EXT1: variants seen among roughly 807,000 people sequenced by gnomAD.
EXT1 encodes the protein exostosin glycosyltransferase 1, also known as exostosin-1.
Under a neutral mutation model 82.5 loss-of-function variants are expected in EXT1, and 20 were observed. The ratio of observed to expected loss-of-function variants is 0.24; its 90% CI spans 0.17 to 0.35. The LOEUF is 0.35. Ranked by LOEUF, EXT1 falls within the 10% of genes least tolerant of loss-of-function variation. The probability of loss-of-function intolerance (pLI) is 1.00; values close to 1 mark genes in which losing one functional copy is unlikely to be tolerated. For synonymous variants in EXT1, 348 were observed against 350.8 expected, an observed-to-expected ratio of 0.99 and a Z score of 0.09; for missense variants, 757 against 936.5, an observed-to-expected ratio of 0.81 and a Z score of 2.50.
intron 1 of EXT1, among the ~76,000 whole-genome samples, chr8:118,075,888 A>G (rs17431728): frequency 0.099 from 15,056 of 152,190 alleles, 984 homozygotes; most frequent in Middle Eastern, 0.19. Context: ...ATGACGGATC[A>G]GTCCACATGA....
intron 1 of EXT1, among the ~76,000 whole-genome samples, chr8:117,959,630 G>C (rs1214949679): frequency 6.6e-6 from 1 of 152,190 alleles, no homozygotes; most frequent in Non-Finnish European, 1.5e-5. Flanking sequence ...CAGACAGTAA[G>C]GGAGATAATT....
chr8:118,016,869 C>G (rs1680682562), intron 1 of EXT1, among the ~76,000 whole-genome samples: 1 of 152,222 alleles, frequency 6.6e-6, no homozygotes. Context: ...GTGACTGGAA[C>G]AGACACAAGC....
chr8:117,893,209 C>T (rs975746381), intron 1 of EXT1, among the ~76,000 whole-genome samples: 3 of 152,298 alleles, frequency 2.0e-5, no homozygotes, highest in Admixed American at 1.3e-4. Context: ...ACAGAAATAT[C>T]CACGATATGC....
intron 1 of EXT1, among the ~76,000 whole-genome samples, chr8:117,967,389 ATGC>A (rs1174847509): frequency 1.3e-5 from 2 of 152,218 alleles, no homozygotes; most frequent in Non-Finnish European, 2.9e-5. Flanking sequence ...GACCAAGGTA[ATGC>A]TGCTCTTTCC....
At chr8:118,047,597 A>C (rs1221646908) in intron 1 of EXT1, among the ~76,000 whole-genome samples, 1 of 152,126 alleles carries the variant, frequency 6.6e-6, no homozygotes, top group Non-Finnish European at 1.5e-5. Context: ...CCATCCATAC[A>C]TCTCACTCAC....
chr8:118,048,758 G>A (rs1201872375), intron 1 of EXT1, among the ~76,000 whole-genome samples: 1 of 152,152 alleles, frequency 6.6e-6, no homozygotes, highest in East Asian at 1.9e-4. Flanking sequence ...TCTATGAGTG[G>A]AATTAAATTA....
intron 1 of EXT1, among the ~76,000 whole-genome samples, chr8:117,964,952 T>G (rs933825747): frequency 2.6e-5 from 4 of 152,186 alleles, no homozygotes; most frequent in African/African-American, 9.7e-5. Context: ...ATCTTTGTTT[T>G]ACTCACTGTT....
chr8:117,843,703 T>A (rs943174508), intron 1 of EXT1, among the ~76,000 whole-genome samples: 1 of 152,052 alleles, frequency 6.6e-6, no homozygotes, highest in African/African-American at 2.4e-5. Flanking sequence ...AAGAATGACA[T>A]GGTACCAATG....
intron 1 of EXT1, among the ~76,000 whole-genome samples, chr8:118,065,956 G>A (rs374419977): frequency 9.8e-5 from 15 of 152,310 alleles, no homozygotes; most frequent in African/African-American, 3.6e-4. Flanking sequence ...AAGAGGAGGT[G>A]AGAAGAAACT....
intron 1 of EXT1, among the ~76,000 whole-genome samples, chr8:118,034,385 C>A (rs551931396): frequency 6.6e-6 from 1 of 152,118 alleles, no homozygotes; most frequent in African/African-American, 2.4e-5. Context: ...CTTCCAGCCA[C>A]CTTAAGACAA....
chr8:117,854,703 C>G (rs985321294), intron 1 of EXT1, among the ~76,000 whole-genome samples: 9 of 152,210 alleles, frequency 5.9e-5, no homozygotes, highest in Admixed American at 1.3e-4. Context: ...TAATTACATA[C>G]AGTATTGCGT....
At position 117,804,706 on chromosome 8, in the gene EXT1, G is replaced by A. The variant is rs749826633; in HGVS notation, c.2055+16C>T. On this transcript the variant is annotated intron_variant, in intron 10 of 10. Coordinates refer to ENST00000378204, the MANE Select transcript of EXT1 (RefSeq NM_000127.3). ...CCAGTGAGTGAAGCAAGGGAAGAGG[G>A]CTCTTCTATACTTACCTGTCCCATC... 2 of 1,613,786 alleles carry A rather than the reference G, an allele frequency of 1.2e-6. No homozygotes were observed. The highest frequency in any genetic ancestry group is 2.2e-5 in the East Asian group (1 of 44,868).
rs962208015 is a variant in EXT1 at position 118,059,417 on chromosome 8, C to T, written c.962+50668G>A. On this transcript the variant is annotated intron_variant, in intron 1 of 10. Transcript: ENST00000378204. The stretch of plus-strand genomic sequence containing the variant: ...ACCACTCTCATAAGGTTGATGGAAA[C>T]ACCATGATGGACAACGGCAGGTGCC... 2.6e-5 allele frequency among the ~76,000 whole-genome samples: 4 copies of T among 152,312 alleles called. 1 individual carries two copies. The highest frequency in any genetic ancestry group is 6.8e-3 in the Middle Eastern group (2 of 294).
chr8:117,830,401 C>T, intron 3 of EXT1, 52 bp from the exon 4 acceptor site: 1 of 1,602,766 alleles, frequency 6.2e-7, no homozygotes, highest in Non-Finnish European at 8.5e-7. Flanking sequence ...CAAAGAGATG[C>T]ACTTGATCAA....
chr8:117,944,574 C>T (rs189321813), intron 1 of EXT1, among the ~76,000 whole-genome samples: 357 of 152,166 alleles, frequency 2.3e-3, no homozygotes, highest in Non-Finnish European at 4.0e-3. Context: ...CAGGTTTGCC[C>T]GGCTATGACC....
intron 1 of EXT1, among the ~76,000 whole-genome samples, chr8:118,049,789 C>G (rs1262076151): frequency 6.6e-6 from 1 of 152,048 alleles, no homozygotes; most frequent in African/African-American, 2.4e-5. Context: ...ATCAGCTTAA[C>G]AAGAAGTGTG....
chr8:117,988,905 C>A (rs1487045959), intron 1 of EXT1, among the ~76,000 whole-genome samples: 3 of 151,828 alleles, frequency 2.0e-5, no homozygotes, highest in Non-Finnish European at 4.4e-5. Context: ...GGTGCTCATT[C>A]TTTTATAACT....
intron 1 of EXT1, among the ~76,000 whole-genome samples, chr8:117,959,047 CTTGTTTGAA>C (rs1353355743): frequency 6.6e-6 from 1 of 152,150 alleles, no homozygotes; most frequent in Admixed American, 6.5e-5. Context: ...CTAAGGGGCC[CTTGTTTGAA>C]CTCCTAGGAG....
rs1412892554 is a variant in EXT1 at position 118,057,518 on chromosome 8, T to TG, written c.962+52566dup. Among the ~76,000 whole-genome samples the TG allele has an allele frequency of 3.3e-5, 5 of 151,450 alleles. No individual in the cohort carries two copies. In the East Asian group the frequency reaches 9.8e-4, roughly 30 times the overall value. ...AAGATCAGGCCATGGCACTCCAGCA[T>TG]GGGCAACAAGAGCGAAACTCCATCT... On this transcript the variant is annotated intron_variant, in intron 1 of 10. Transcript: ENST00000378204.
Sources: gnomAD v4.1 joint callset for allele counts (sites outside exome capture counted in the v4.1 genomes callset) on GRCh38, gnomAD v4.1.1 for gene constraint, MANE v1.5 for transcripts, NCBI Gene and HGNC (gene_info 2026-07-23, HGNC 2026-07-21) for gene names.